Variants in UGGT2 observed in about 807,000 individuals in gnomAD.
UGGT2 encodes UDP-glucose glycoprotein glucosyltransferase 2, also known as UDP-glucose:glycoprotein glucosyltransferase 2.
UGGT2 carries 180 observed loss-of-function variants against 192.1 expected under a neutral mutation model. The ratio of observed to expected loss-of-function variants is 0.94; its 90% CI spans 0.83 to 1.06. The LOEUF (loss-of-function observed/expected upper bound fraction) is 1.06, where lower values mean the gene tolerates loss of function less well. Among genes scored for constraint, UGGT2 ranks in the 50% least tolerant of loss-of-function variants. The pLI, the probability that UGGT2 is intolerant of heterozygous loss-of-function variation, is 0.00. For missense variants in UGGT2, 1,849 were observed against 1,795.7 expected (o/e 1.03, Z -0.54); for synonymous variants, 580 against 591.0 (o/e 0.98, Z 0.27).
At chr13:95,910,371 G>C (rs1302590102) in intron 20 of UGGT2, among the ~76,000 whole-genome samples, 2 of 152,046 alleles carry the variant, frequency 1.3e-5, no homozygotes, top group African/African-American at 4.8e-5. Context: ...ACACACATAG[G>C]CTCAAATAAA....
intron 32 of UGGT2, among the ~76,000 whole-genome samples, chr13:95,860,519 T>A (rs534738559): frequency 8.7e-5 from 13 of 149,812 alleles, no homozygotes; most frequent in Non-Finnish European, 1.6e-4. Context: ...TAAAGTAGTA[T>A]GTTCTTTACT....
At chr13:95,972,483 T>C in intron 11 of UGGT2, 97 bp downstream of exon 11, 2 of 1,124,490 alleles carry the variant, frequency 1.8e-6, no homozygotes, top group South Asian at 3.1e-5. Context: ...GTATTTATCT[T>C]TAAAGTGATC....
chr13:95,926,963 T>C, intron 19 of UGGT2, 65 bp downstream of exon 19: 2 of 1,385,982 alleles, frequency 1.4e-6, no homozygotes, highest in Non-Finnish European at 2.0e-6. Flanking sequence ...ATTATACAAC[T>C]GCCTTATGAA....
At chr13:96,042,839 C>A (rs1329885166) in intron 1 of UGGT2, among the ~76,000 whole-genome samples, 1 of 151,960 alleles carries the variant, frequency 6.6e-6, no homozygotes, top group Non-Finnish European at 1.5e-5. Context: ...AAAATATGAA[C>A]AAAGCCTCCA....
chr13:95,896,902 T>C (rs1271821397), intron 22 of UGGT2, among the ~76,000 whole-genome samples: 1 of 152,130 alleles, frequency 6.6e-6, no homozygotes, highest in Non-Finnish European at 1.5e-5. Flanking sequence ...CAGAAATGCA[T>C]TACTTCATTT....
chr13:96,030,897 A>ACCTGAC (rs2139154573), intron 2 of UGGT2, among the ~76,000 whole-genome samples: 1 of 152,376 alleles, frequency 6.6e-6, no homozygotes, highest in South Asian at 2.1e-4. Context: ...CATATTAGTT[A>ACCTGAC]CCTGACTTTT....
chr13:95,913,312 T>C lies in UGGT2; in HGVS notation c.2296-10252A>G, dbSNP rs1212497995. 2.0e-5 allele frequency among the ~76,000 whole-genome samples: 3 copies of C among 152,150 alleles called. No homozygotes were observed. The South Asian group carries it at 6.2e-4, about 32-fold the overall frequency. The stretch of plus-strand genomic sequence containing the variant: ...CAGAGTGAACAGGCAACTTACAGAA[T>C]GGGAGAAAATTTTTGCAATCTACCC... On this transcript the variant is annotated intron_variant, in intron 20 of 38. Transcript: ENST00000376747.
chr13:95,911,531 C>G (rs544318816), intron 20 of UGGT2, among the ~76,000 whole-genome samples: 23 of 152,076 alleles, frequency 1.5e-4, no homozygotes, highest in Non-Finnish European at 2.5e-4. Flanking sequence ...CAAGACTAAA[C>G]CAGGAAGAAG....
chr13:96,029,333 C>T (rs1240535063), intron 2 of UGGT2, among the ~76,000 whole-genome samples: 1 of 152,054 alleles, frequency 6.6e-6, no homozygotes, highest in Non-Finnish European at 1.5e-5. Context: ...GTTGCCCAGA[C>T]TGCAGTCCAG....
chr13:95,931,705 C>T (rs892773211), intron 17 of UGGT2, among the ~76,000 whole-genome samples: 3 of 152,182 alleles, frequency 2.0e-5, no homozygotes, highest in Admixed American at 1.3e-4. Flanking sequence ...CCTCACTGCC[C>T]GGGCCGGCAG....
chr13:95,925,569 C>A (rs2048991109), intron 20 of UGGT2, 111 bp downstream of exon 20: 1 of 768,078 alleles, frequency 1.3e-6, no homozygotes, highest in Non-Finnish European at 1.9e-6. Flanking sequence ...CCTTCGTCTA[C>A]TTAACTGAAA....
At chr13:95,931,403 G>C (rs915758822) in intron 17 of UGGT2, among the ~76,000 whole-genome samples, 2 of 152,146 alleles carry the variant, frequency 1.3e-5, no homozygotes, top group African/African-American at 4.8e-5. Flanking sequence ...TGGGCCGCAG[G>C]GGGAGCTGCC....
chr13:95,842,945 A>G (rs1442372011), intron 36 of UGGT2, among the ~76,000 whole-genome samples: 1 of 152,158 alleles, frequency 6.6e-6, no homozygotes, highest in East Asian at 1.9e-4. Flanking sequence ...GTCAGACTAC[A>G]GGAACTGATC....
intron 36 of UGGT2, among the ~76,000 whole-genome samples, chr13:95,842,772 G>A (rs1594123304): frequency 1.3e-5 from 2 of 152,180 alleles, no homozygotes; most frequent in East Asian, 3.9e-4. Context: ...CATCCAGCAA[G>A]GAAATTAGAC....
chr13:95,997,495 T>A (rs1048360687), intron 6 of UGGT2, among the ~76,000 whole-genome samples: 14 of 151,780 alleles, frequency 9.2e-5, no homozygotes, highest in African/African-American at 3.4e-4. Context: ...ATACAAAAAT[T>A]AGCCAGGTAT....
chr13:95,986,311 A>C (rs2051287730), intron 9 of UGGT2, 22 bp downstream of exon 9: 1 of 1,468,930 alleles, frequency 6.8e-7, no homozygotes, highest in Admixed American at 1.8e-5. Flanking sequence ...AGCTGCAATG[A>C]AACCTATAAA....
chr13:95,889,045 TC>T (rs1489090167), intron 25 of UGGT2, among the ~76,000 whole-genome samples: 1 of 152,072 alleles, frequency 6.6e-6, no homozygotes, highest in African/African-American at 2.4e-5. Flanking sequence ...GTCTTGAATT[TC>T]TCAAGTGATC....
chr13:95,909,323 T>C (rs1017497949), intron 20 of UGGT2, among the ~76,000 whole-genome samples: 5 of 151,920 alleles, frequency 3.3e-5, no homozygotes, highest in Non-Finnish European at 5.9e-5. Flanking sequence ...TGCGGCATTA[T>C]TCACAATAGC....
At chr13:96,018,919 T>A (rs1477432521) in intron 4 of UGGT2, among the ~76,000 whole-genome samples, 3 of 148,828 alleles carry the variant, frequency 2.0e-5, no homozygotes, top group Admixed American at 1.3e-4. Flanking sequence ...CTAAAGAAAA[T>A]CTAGGAAGGA....
Sources: allele counts gnomAD v4.1 joint callset (sites outside exome capture counted in the v4.1 genomes callset), GRCh38; gene constraint gnomAD v4.1.1; transcripts MANE v1.5; gene names NCBI Gene and HGNC (gene_info 2026-07-23, HGNC 2026-07-21).